The following PCDHA9 variants were observed in gnomAD, a reference collection of about 807,000 sequenced individuals.
PCDHA9 encodes the protein protocadherin alpha 9.
In PCDHA9, 62 loss-of-function variants were observed where a neutral mutation model predicts 62.0. The ratio of observed to expected loss-of-function variants is 1.00; its 90% CI spans 0.81 to 1.23. The LOEUF (loss-of-function observed/expected upper bound fraction) is 1.23. Among genes scored for constraint, PCDHA9 ranks in the 50% most tolerant of loss-of-function variants. The probability of loss-of-function intolerance (pLI) is 0.00; values close to 1 mark genes in which losing one functional copy is unlikely to be tolerated. For missense variants in PCDHA9, 1,205 were observed against 1,249.8 expected, an observed-to-expected ratio of 0.96 and a Z score of 0.54; for synonymous variants, 557 against 567.6, an observed-to-expected ratio of 0.98 and a Z score of 0.27.
At chr5:140,876,056 T>G in intron 1 of PCDHA9, 1 of 1,613,918 alleles carries the variant, frequency 6.2e-7, no homozygotes, top group Non-Finnish European at 8.5e-7. Flanking sequence ...CCTGAATTAG[T>G]TCTTCGGAAG....
chr5:140,868,477 A>T (rs1165630673), intron 1 of PCDHA9: 1 of 152,380 alleles, frequency 6.6e-6, no homozygotes, highest in Non-Finnish European at 1.5e-5. Flanking sequence ...ATAAAACTTC[A>T]ATTTTTTCTT....
In PCDHA9 at chr5:141,011,598, G is replaced by A. The variant is rs530366689; in HGVS notation, c.*1661G>A. ...TTAAATCAAGATACTGGTGATTCAA[G>A]GAATTTTATTTATGGTCCAGCCAAG... On this transcript the variant is annotated 3_prime_UTR_variant, in exon 4 of 4. Transcript: ENST00000532602. 6.5e-6 allele frequency: 1 copy of A among 153,736 alleles called. No homozygotes were observed. Among genetic ancestry groups the A allele is most frequent in the Non-Finnish European group, 1.5e-5 (1 of 68,012 alleles). The allele number at this position is 153,736 out of a possible 1,614,324, so 9.5% of individuals were successfully genotyped here.
intron 1 of PCDHA9, among the ~76,000 whole-genome samples, chr5:140,873,038 G>A (rs1304592086): frequency 1.3e-5 from 2 of 152,120 alleles, no homozygotes; most frequent in Admixed American, 6.5e-5. Context: ...CACGTAGAGT[G>A]GTGGTATTAC....
intron 1 of PCDHA9, chr5:140,869,830 G>A: frequency 1.2e-6 from 2 of 1,611,658 alleles, no homozygotes; most frequent in Non-Finnish European, 1.7e-6. Flanking sequence ...TCCAGAGTTT[G>A]ATAAATCAGA....
chr5:140,925,048 C>A (rs574148178), intron 1 of PCDHA9, among the ~76,000 whole-genome samples: 1 of 150,658 alleles, frequency 6.6e-6, no homozygotes, highest in South Asian at 2.1e-4. Flanking sequence ...AAGTTTGAGA[C>A]CAGACTGGGC....
At chr5:140,917,332 G>GT (rs1293292013) in intron 1 of PCDHA9, among the ~76,000 whole-genome samples, 2 of 145,540 alleles carry the variant, frequency 1.4e-5, no homozygotes, top group Non-Finnish European at 3.0e-5. Flanking sequence ...GGCGGGGGAG[G>GT]GGGGGGATGG....
In PCDHA9 at chr5:140,856,890, G is replaced by A. The variant is rs782469336; in HGVS notation, c.2394+6001G>A. On this transcript the variant is annotated intron_variant, in intron 1 of 3. Transcript: ENST00000532602. ...AACAAGGAAATGATGTATTCATTTA[G>A]CTCTTTGGTCCCACCCACGATAAGA... 2.1e-5 allele frequency: 34 copies of A among 1,596,056 alleles called. 3 individuals carry two copies. The highest frequency in any genetic ancestry group is 2.9e-5 in the Non-Finnish European group (34 of 1,165,980).
intron 1 of PCDHA9, among the ~76,000 whole-genome samples, chr5:140,961,550 CT>C (rs571779587): frequency 6.6e-6 from 1 of 152,032 alleles, no homozygotes; most frequent in Admixed American, 6.6e-5. Context: ...TGCAGCATTT[CT>C]TTTTTTAAAT....
chr5:140,996,691 C>A (rs150925396), intron 3 of PCDHA9, among the ~76,000 whole-genome samples: 217 of 152,274 alleles, frequency 1.4e-3, no homozygotes, highest in African/African-American at 5.0e-3. Context: ...TAGTATTCTT[C>A]TGAACCTCTA....
At chr5:140,869,484 C>T (rs782167038) in intron 1 of PCDHA9, 2 of 1,613,948 alleles carry the variant, frequency 1.2e-6, no homozygotes, top group South Asian at 2.2e-5. Flanking sequence ...AGGACATTAA[C>T]GACAACCCGC....
chr5:140,967,515 C>G, intron 1 of PCDHA9: 1 of 1,612,792 alleles, frequency 6.2e-7, no homozygotes, highest in Non-Finnish European at 8.5e-7. Flanking sequence ...GTCCTGGACA[C>G]TAACGACAAC....
chr5:140,870,078 G>C (rs2051638531), intron 1 of PCDHA9: 1 of 1,613,720 alleles, frequency 6.2e-7, no homozygotes, highest in African/African-American at 1.3e-5. Flanking sequence ...CAGATAAGGG[G>C]ACTCCCCCAA....
At chr5:140,870,219 C>A (rs1188426625) in intron 1 of PCDHA9, 2 of 1,614,034 alleles carry the variant, frequency 1.2e-6, no homozygotes, top group Non-Finnish European at 1.7e-6. Flanking sequence ...CCCTGATCAG[C>A]GTGTCTGACC....
At chr5:140,875,524 C>T in intron 1 of PCDHA9, 1 of 1,614,084 alleles carries the variant, frequency 6.2e-7, no homozygotes, top group East Asian at 2.2e-5. Context: ...GCTGCTCTCG[C>T]TTCTGCTCCT....
chr5:140,969,129 C>G (rs576180714), intron 1 of PCDHA9: 4 of 1,614,144 alleles, frequency 2.5e-6, no homozygotes, highest in Admixed American at 1.7e-5. Context: ...GGCTCCCTCA[C>G]CAAGACCTAC....
intron 1 of PCDHA9, among the ~76,000 whole-genome samples, chr5:140,905,958 G>C (rs1554192269): frequency 6.6e-6 from 1 of 152,184 alleles, no homozygotes; most frequent in African/African-American, 2.4e-5. Context: ...GATGTTCAAG[G>C]GGAGGAAGAT....
intron 1 of PCDHA9, among the ~76,000 whole-genome samples, chr5:140,898,820 G>A (rs1303151513): frequency 6.6e-6 from 1 of 152,208 alleles, no homozygotes; most frequent in Admixed American, 6.5e-5. Context: ...TCCTACCCAT[G>A]AGCATGGAAT....
chr5:140,849,832 C>A lies in PCDHA9; in HGVS notation c.1337C>A (p.Ala446Asp), dbSNP rs145333813. Residue 446 changes from alanine (A) to aspartate (D), a missense_variant, in exon 1 of 4, where the codon GCC becomes GAC. Physicochemically the swap from Ala to Asp is moderately radical, Grantham distance 126. Coordinates refer to ENST00000532602, the MANE Select transcript of PCDHA9 (RefSeq NM_031857.2). ...ACGGCCAGGGTGTCTGTGGAGGTGG[C>A]CGACGTGAACGACAACGCACCAGCG... The part of the protein sequence containing the change: ...WATARVSVEV[A>D]DVNDNAPAFA... 3.2e-4 allele frequency: 518 copies of A among 1,598,398 alleles called. 39 individuals carry two copies. In the African/African-American group the frequency reaches 4.3e-3, roughly 13 times the overall value.
chr5:140,993,539 T>C (rs1433781690), intron 3 of PCDHA9, among the ~76,000 whole-genome samples: 7 of 128,018 alleles, frequency 5.5e-5, no homozygotes, highest in Non-Finnish European at 1.0e-4. Flanking sequence ...GAGAGAGAGA[T>C]AGAGAAGTGA....
Sources: gnomAD v4.1 joint callset for allele counts (sites outside exome capture counted in the v4.1 genomes callset) on GRCh38, gnomAD v4.1.1 for gene constraint, MANE v1.5 for transcripts, NCBI Gene and HGNC (gene_info 2026-07-23, HGNC 2026-07-21) for gene names.